Variants in CHRM3 observed in about 807,000 individuals in gnomAD.
The protein encoded by CHRM3 is cholinergic receptor muscarinic 3.
Under a neutral mutation model 41.8 loss-of-function variants are expected in CHRM3, and 11 were observed. The observed-to-expected ratio is 0.26, with a 90% CI of 0.17 to 0.44. The LOEUF (loss-of-function observed/expected upper bound fraction) is 0.44. Ranked by LOEUF, CHRM3 falls within the 20% of genes least tolerant of loss-of-function variation. The pLI is 1.00. For synonymous variants in CHRM3, 297 were observed against 301.4 expected (o/e 0.99, Z 0.15); for missense variants, 571 against 745.4 (o/e 0.77, Z 2.72).
chr1:239,773,844 T>C (rs1303010828), intron 5 of CHRM3, among the ~76,000 whole-genome samples: 2 of 152,156 alleles, frequency 1.3e-5, no homozygotes, highest in Non-Finnish European at 1.5e-5. Flanking sequence ...TTCGTTAGAA[T>C]GGAAGAAGGA....
At chr1:239,698,359 C>T (rs1424705211) in intron 5 of CHRM3, among the ~76,000 whole-genome samples, 2 of 152,152 alleles carry the variant, frequency 1.3e-5, no homozygotes, top group African/African-American at 4.8e-5. Flanking sequence ...AGGAAAGGAG[C>T]TTACAAGTTT....
At chr1:239,721,176 A>G (rs1160950088) in intron 5 of CHRM3, among the ~76,000 whole-genome samples, 1 of 151,892 alleles carries the variant, frequency 6.6e-6, no homozygotes, top group Non-Finnish European at 1.5e-5. Context: ...TTTAGTTTCT[A>G]AAAGTGATAC....
At chr1:239,802,239 ATC>A (rs1226478842) in intron 5 of CHRM3, among the ~76,000 whole-genome samples, 1 of 152,076 alleles carries the variant, frequency 6.6e-6, no homozygotes, top group African/African-American at 2.4e-5. Context: ...CTTGAATTTT[ATC>A]TCTCTCTCTC....
chr1:239,526,802 T>C (rs767864569), intron 2 of CHRM3, among the ~76,000 whole-genome samples: 34 of 152,146 alleles, frequency 2.2e-4, no homozygotes, highest in Admixed American at 1.4e-3. Flanking sequence ...TAATTAACTT[T>C]CATTGCAACC....
intron 4 of CHRM3, among the ~76,000 whole-genome samples, chr1:239,655,347 A>C (rs1672619570): frequency 6.6e-6 from 1 of 152,244 alleles, no homozygotes; most frequent in Admixed American, 6.5e-5. Context: ...CATTTCTTAC[A>C]GAAATTTGCA....
chr1:239,484,172 C>T (rs1044530659), intron 1 of CHRM3, among the ~76,000 whole-genome samples: 1 of 152,124 alleles, frequency 6.6e-6, no homozygotes, highest in African/African-American at 2.4e-5. Context: ...CACGGTTCTG[C>T]AGGCTGTACA....
At chr1:239,633,748 C>G (rs1437074471) in intron 4 of CHRM3, among the ~76,000 whole-genome samples, 4 of 149,452 alleles carry the variant, frequency 2.7e-5, no homozygotes, top group African/African-American at 9.9e-5. Flanking sequence ...GCAATCACAG[C>G]AACAAAAGCC....
Position 239,440,377 on chromosome 1 carries a change from C to T in CHRM3, c.-520-52332C>T, listed in dbSNP as rs767896777. Among the ~76,000 whole-genome samples, 4 of 152,120 alleles carry T rather than the reference C, an allele frequency of 2.6e-5. No homozygotes were observed. In the South Asian group the frequency reaches 8.3e-4, roughly 31 times the overall value. On this transcript the variant is annotated intron_variant, in intron 1 of 6. Coordinates refer to ENST00000676153, the MANE Select transcript of CHRM3 (RefSeq NM_001375978.1). Reference sequence around the variant, plus strand: ...GTGGCTCATGCCTATAATCCCAGCCCTTTGGGTGGCTGAGGCCGATGGAGC... The same window carrying T: ...GTGGCTCATGCCTATAATCCCAGCCTTTTGGGTGGCTGAGGCCGATGGAGC...
At chr1:239,445,002 C>A (rs774142110) in intron 1 of CHRM3, among the ~76,000 whole-genome samples, 2 of 152,156 alleles carry the variant, frequency 1.3e-5, no homozygotes, top group Non-Finnish European at 2.9e-5. Flanking sequence ...TGATGGTTTC[C>A]TTGTGTGCAG....
chr1:239,516,054 T>C (rs1234343336), intron 2 of CHRM3, among the ~76,000 whole-genome samples: 5 of 152,216 alleles, frequency 3.3e-5, no homozygotes, highest in African/African-American at 1.2e-4. Context: ...TCTCTGTCTC[T>C]TTCTCGCTCT....
At chr1:239,852,436 G>A (rs1019781157) in intron 6 of CHRM3, among the ~76,000 whole-genome samples, 2 of 152,096 alleles carry the variant, frequency 1.3e-5, no homozygotes, top group African/African-American at 2.4e-5. Context: ...TAATAATCAG[G>A]CATTTTATCC....
rs558182479 is a variant in CHRM3 at position 239,669,881 on chromosome 1, T to C, written c.-249-8305T>C. ...TTCAATAATTAGCAATATATGGCCATGGCCAACTCGTTTCTTTTACATGGC... is the reference window on the plus strand; with the variant it reads ...TTCAATAATTAGCAATATATGGCCACGGCCAACTCGTTTCTTTTACATGGC... On this transcript the variant is annotated intron_variant, in intron 4 of 6. Transcript: ENST00000676153. Among the ~76,000 whole-genome samples, 28 of 152,344 alleles carry C rather than the reference T, an allele frequency of 1.8e-4. No individual in the cohort carries two copies. In the South Asian group the frequency reaches 5.6e-3, roughly 30 times the overall value.
At chr1:239,426,987 G>A (rs1167722316) in intron 1 of CHRM3, among the ~76,000 whole-genome samples, 3 of 152,084 alleles carry the variant, frequency 2.0e-5, no homozygotes, top group Non-Finnish European at 4.4e-5. Flanking sequence ...TTGAAGGGAG[G>A]GGTGGGTGGA....
At chr1:239,775,590 A>G (rs1162206889) in intron 5 of CHRM3, among the ~76,000 whole-genome samples, 3 of 152,202 alleles carry the variant, frequency 2.0e-5, no homozygotes, top group East Asian at 3.9e-4. Flanking sequence ...GGATGTGTGT[A>G]TAACTATGGC....
At chr1:239,551,641 T>C (rs1160105877) in intron 3 of CHRM3, among the ~76,000 whole-genome samples, 1 of 152,200 alleles carries the variant, frequency 6.6e-6, no homozygotes, top group Admixed American at 6.5e-5. Context: ...AACTGAAATT[T>C]TATCATACAA....
At chr1:239,696,430 C>T (rs1660198318) in intron 5 of CHRM3, among the ~76,000 whole-genome samples, 1 of 152,188 alleles carries the variant, frequency 6.6e-6, no homozygotes, top group South Asian at 2.1e-4. Context: ...TCCTAGGGTT[C>T]ATCACTCACC....
intron 3 of CHRM3, among the ~76,000 whole-genome samples, chr1:239,574,752 GCTC>G (rs1196147398): frequency 6.6e-6 from 1 of 151,582 alleles, no homozygotes; most frequent in African/African-American, 2.4e-5. Context: ...CCCTCATGCT[GCTC>G]CTCCTCCTCT....
chr1:239,590,126 GTCTCCTTTCT>G (rs1320823521), intron 3 of CHRM3, among the ~76,000 whole-genome samples: 1 of 152,126 alleles, frequency 6.6e-6, no homozygotes, highest in Non-Finnish European at 1.5e-5. Context: ...CATCTAGTCT[GTCTCCTTTCT>G]TCTCATCATC....
At chr1:239,745,352 G>T (rs1156298025) in intron 5 of CHRM3, among the ~76,000 whole-genome samples, 1 of 151,994 alleles carries the variant, frequency 6.6e-6, no homozygotes, top group African/African-American at 2.4e-5. Context: ...ACAGGTAGAC[G>T]TGTACCTACC....
Sources: allele counts gnomAD v4.1 joint callset (sites outside exome capture counted in the v4.1 genomes callset), GRCh38; gene constraint gnomAD v4.1.1; transcripts MANE v1.5; gene names NCBI Gene and HGNC (gene_info 2026-07-23, HGNC 2026-07-21).